Variants in NOX4 observed in about 807,000 individuals in gnomAD.
The protein encoded by NOX4 is kidney oxidase-1.
A neutral mutation model predicts 87.6 loss-of-function variants in NOX4; 69 were observed. The observed-to-expected ratio is 0.79, with a 90% CI of 0.65 to 0.96. The LOEUF (loss-of-function observed/expected upper bound fraction) is 0.96. Ranked by LOEUF, NOX4 falls within the 40% of genes least tolerant of loss-of-function variation. The pLI is 0.00. For missense variants in NOX4, 680 were observed against 681.5 expected, an observed-to-expected ratio of 1.00 and a Z score of 0.02; for synonymous variants, 275 against 238.2, an observed-to-expected ratio of 1.15 and a Z score of -1.42.
At chr11:89,497,247 C>A (rs577751994) in intron 1 of NOX4, among the ~76,000 whole-genome samples, 1 of 152,278 alleles carries the variant, frequency 6.6e-6, no homozygotes, top group Admixed American at 6.5e-5. Context: ...CTGAACACAT[C>A]TATTAACACA....
rs749582333 is a variant in NOX4, at chr11:89,340,156, TG to T, written c.1352del (p.Pro451HisfsTer57). ...ILNTLLDDWK[P>X]YKLRRLYFIW... is the part of the protein sequence containing the mutation. ...TAAAGTATAGTCTTCTAAGCTTGTA[TG>T]GTTTCCAGTCATCCCTTTAAAATGA... On this transcript the variant is annotated frameshift_variant, in exon 15 of 18. Coordinates refer to ENST00000263317, the MANE Select transcript of NOX4 (RefSeq NM_016931.5). LOFTEE classifies it high-confidence loss of function. 1.3e-6 allele frequency: 2 copies of T among 1,592,976 alleles called. No individual in the cohort carries two copies. The highest frequency in any genetic ancestry group is 2.3e-5 in the South Asian group (2 of 87,968).
chr11:89,580,157 A>G, the NOX4 span, among the ~76,000 whole-genome samples: 1 of 152,242 alleles, frequency 6.6e-6, no homozygotes, highest in East Asian at 1.9e-4. Flanking sequence ...TTTCTTAATA[A>G]TTTTGTTATT....
the NOX4 span, among the ~76,000 whole-genome samples, chr11:89,586,365 C>T: frequency 6.6e-6 from 1 of 152,148 alleles, no homozygotes; most frequent in Non-Finnish European, 1.5e-5. Flanking sequence ...TGTTAGTTCT[C>T]ACAACAACTC....
chr11:89,490,819 A>T (rs1306763537), intron 1 of NOX4: 1 of 699,172 alleles, frequency 1.4e-6, no homozygotes, highest in Non-Finnish European at 2.6e-6. Flanking sequence ...CTGCCGTACA[A>T]AATGAGATTA....
At chr11:89,404,042 AAC>A (rs1186087925) in intron 8 of NOX4, among the ~76,000 whole-genome samples, 1 of 150,162 alleles carries the variant, frequency 6.7e-6, no homozygotes, top group East Asian at 2.0e-4. Context: ...ACCACACACA[AAC>A]ATACATTTTT....
the NOX4 span, among the ~76,000 whole-genome samples, chr11:89,508,847 C>A: frequency 6.6e-6 from 1 of 152,154 alleles, no homozygotes; most frequent in Non-Finnish European, 1.5e-5. Flanking sequence ...GTTCACAAAG[C>A]AACAAAGTGA....
intron 2 of NOX4, chr11:89,488,880 A>G: frequency 1.6e-6 from 1 of 640,714 alleles, no homozygotes; most frequent in East Asian, 2.8e-5. Flanking sequence ...TTGTTTATTG[A>G]ATTATAATTA....
At chr11:89,545,128 G>A in the NOX4 span, 2 of 152,230 alleles carry the variant, frequency 1.3e-5, no homozygotes, top group African/African-American at 4.8e-5. Context: ...TCCCATTTCT[G>A]TCTGTACTTA....
chr11:89,433,673 G>A (rs1441691757), intron 6 of NOX4, among the ~76,000 whole-genome samples: 3 of 152,078 alleles, frequency 2.0e-5, no homozygotes, highest in Admixed American at 1.3e-4. Context: ...CAATGTTGAT[G>A]TTTTAAAAAT....
At chr11:89,576,017 G>T in the NOX4 span, among the ~76,000 whole-genome samples, 1 of 152,094 alleles carries the variant, frequency 6.6e-6, no homozygotes, top group Non-Finnish European at 1.5e-5. Context: ...GTATTTCTCT[G>T]GCCACAACTG....
At chr11:89,570,759 G>T in the NOX4 span, among the ~76,000 whole-genome samples, 12 of 152,152 alleles carry the variant, frequency 7.9e-5, no homozygotes, top group Non-Finnish European at 1.8e-4. Flanking sequence ...CTAGGAGGTT[G>T]GTCCTGCAGT....
At chr11:89,425,672 A>G (rs1167875599) in intron 7 of NOX4, among the ~76,000 whole-genome samples, 1 of 152,050 alleles carries the variant, frequency 6.6e-6, no homozygotes, top group Non-Finnish European at 1.5e-5. Flanking sequence ...GAGGAGGGGA[A>G]TTAGTGAAGA....
At chr11:89,490,066 A>G (rs1456308022) in intron 2 of NOX4, among the ~76,000 whole-genome samples, 2 of 152,214 alleles carry the variant, frequency 1.3e-5, no homozygotes, top group Non-Finnish European at 2.9e-5. Context: ...CAGTGCAGAA[A>G]TCCTCTGGAT....
At chr11:89,510,061 G>A in the NOX4 span, among the ~76,000 whole-genome samples, 14 of 152,076 alleles carry the variant, frequency 9.2e-5, no homozygotes, top group African/African-American at 2.2e-4. Context: ...GGATTCTTTC[G>A]AAAAAGTTAG....
chr11:89,545,599 C>T, the NOX4 span: 1 of 151,568 alleles, frequency 6.6e-6, no homozygotes, highest in African/African-American at 2.4e-5. Context: ...CAATACATCA[C>T]CAGAATTACA....
the NOX4 span, among the ~76,000 whole-genome samples, chr11:89,505,626 AAAGAGACT>A: frequency 1.3e-5 from 2 of 151,870 alleles, no homozygotes; most frequent in South Asian, 4.1e-4. Context: ...AATGTGCGGC[AAAGAGACT>A]AAAAACATCT....
intron 2 of NOX4, among the ~76,000 whole-genome samples, chr11:89,474,847 C>T (rs546507485): frequency 2.6e-5 from 4 of 151,642 alleles, no homozygotes; most frequent in African/African-American, 7.2e-5. Flanking sequence ...ATAAATAAGC[C>T]GTACAAAGTC....
intron 8 of NOX4, among the ~76,000 whole-genome samples, chr11:89,405,824 CAAT>C (rs1245964058): frequency 2.0e-5 from 3 of 150,812 alleles, no homozygotes; most frequent in Non-Finnish European, 2.9e-5. Flanking sequence ...TCTCCCAACA[CAAT>C]AATGTCAGTC....
rs79827447 is a variant in NOX4, at chr11:89,420,536, C to T, written c.629+1366G>A. Among the ~76,000 whole-genome samples, 1,407 of 151,976 alleles carry T rather than the reference C, an allele frequency of 9.3e-3. 20 individuals carry two copies. Among genetic ancestry groups the T allele is most frequent in the African/African-American group, 0.033 (1,357 of 41,448 alleles). On this transcript the variant is annotated intron_variant, in intron 8 of 17. Transcript: ENST00000263317. ...AACTATGTGTTCTGGAACCTTGGTA[C>T]TGAACAAAGCTAACCAGGACATATG...
Sources: allele counts gnomAD v4.1 joint callset (sites outside exome capture counted in the v4.1 genomes callset), GRCh38; gene constraint gnomAD v4.1.1; transcripts MANE v1.5; gene names NCBI Gene and HGNC (gene_info 2026-07-23, HGNC 2026-07-21).